RPS6KA2: variants seen among roughly 807,000 people sequenced by gnomAD.
RPS6KA2 encodes ribosomal protein S6 kinase alpha-2.
A neutral mutation model predicts 91.8 loss-of-function variants in RPS6KA2; 42 were observed. The observed-to-expected ratio is 0.46, with a 90% CI of 0.36 to 0.59. The LOEUF (loss-of-function observed/expected upper bound fraction) is 0.59. RPS6KA2 is among the 20% of genes least tolerant of loss of function. The pLI, the probability that RPS6KA2 is intolerant of heterozygous loss-of-function variation, is 0.00. For synonymous variants in RPS6KA2, 414 were observed against 393.6 expected (o/e 1.05, Z -0.61); for missense variants, 798 against 978.5 (o/e 0.82, Z 2.46).
In RPS6KA2 at chr6:166,413,882, G is replaced by A. The variant is rs768763548; in HGVS notation, c.1988C>T (p.Ala663Val). ...CCACGGGTGTTTGAGCACTTGCATC[G>A]CCGTCAGGCGCTGATGAGGGTCCAC... ...LHVDPHQRLT[A>V]MQVLKHPWVV... Residue 663 changes from alanine (A) to valine (V), a missense_variant, in exon 20 of 21, where the codon GCG (alanine) becomes GTG (valine). By Grantham distance (64) the Ala-to-Val change is moderately conservative. Coordinates refer to ENST00000265678, the MANE Select transcript of RPS6KA2 (RefSeq NM_021135.6). The A allele has an allele frequency of 1.5e-5, 25 of 1,613,930 alleles. No homozygotes were observed. The highest frequency in any genetic ancestry group is 1.8e-5 in the Non-Finnish European group (21 of 1,179,940).
intron 14 of RPS6KA2, among the ~76,000 whole-genome samples, chr6:166,443,717 G>C (rs1005662885): frequency 2.0e-4 from 31 of 152,144 alleles, no homozygotes; most frequent in Admixed American, 1.8e-3. Context: ...ATGGCGCCAC[G>C]TATGGTCTAT....
At chr6:166,480,479 T>TTATATATATATATAATATATATATATA (rs1781157887) in intron 10 of RPS6KA2, among the ~76,000 whole-genome samples, 20 of 99,858 alleles carry the variant, frequency 2.0e-4, no homozygotes, top group African/African-American at 9.5e-4. Context: ...GATTGTGATT[T>TTATATATATATATAATATATATATATA]TATATATATA....
intron 3 of RPS6KA2, among the ~76,000 whole-genome samples, chr6:166,517,455 G>GTTTTT (rs71032809): frequency 0.019 from 1,947 of 104,634 alleles, 27 homozygotes; most frequent in Non-Finnish European, 0.028. Context: ...CTTTTGTTTT[G>GTTTTT]TTTTTTTTTT....
rs2128481689 is a variant in RPS6KA2, at chr6:166,508,212, G to C, written c.450C>G (p.Leu150=). ...TGTGGCGGCTGCTCACCTCTTTGGA[G>C]AGCCGGGTGAAGAGGTCCCCTCCCC... is the stretch of plus-strand genomic sequence containing the variant. ...FLRGGDLFTR[L]SKEVMFTEED... The change falls in exon 5 of 21, where the codon CTC becomes CTG. Residue 150 remains leucine (L), a synonymous_variant. Coordinates refer to ENST00000265678, the MANE Select transcript of RPS6KA2 (RefSeq NM_021135.6). The surrounding 1 kb of genome is among the most constrained non-coding windows in gnomAD (Gnocchi z 4.3). 6.2e-7 allele frequency: 1 copy of C among 1,610,804 alleles called. No individual in the cohort carries two copies. Among genetic ancestry groups the C allele is most frequent in the South Asian group, 1.1e-5 (1 of 90,992 alleles).
At chr6:166,820,107 G>A (rs1779869845) in intron 2 of RPS6KA2, among the ~76,000 whole-genome samples, 1 of 152,130 alleles carries the variant, frequency 6.6e-6, no homozygotes, top group African/African-American at 2.4e-5. Context: ...CTTGCCATGG[G>A]CTATCTGTAT....
At chr6:166,486,563 G>A (rs1781417128) in intron 10 of RPS6KA2, among the ~76,000 whole-genome samples, 1 of 152,220 alleles carries the variant, frequency 6.6e-6, no homozygotes, top group East Asian at 1.9e-4. Flanking sequence ...TATAAAATGT[G>A]TGCAGTGACC....
intron 2 of RPS6KA2, among the ~76,000 whole-genome samples, chr6:166,799,633 C>T (rs956445413): frequency 6.6e-6 from 1 of 150,794 alleles, no homozygotes; most frequent in African/African-American, 2.4e-5. Context: ...TGTGAAATCA[C>T]TACGGTAATT....
At chr6:166,510,422 A>G (rs1301236525) in intron 3 of RPS6KA2, 65 bp from the exon 4 acceptor site, 13 of 1,022,664 alleles carry the variant, frequency 1.3e-5, no homozygotes, top group African/African-American at 1.6e-5. Context: ...AACACTGAAC[A>G]TGAAATACTA....
At chr6:166,549,856 G>A (rs964910419) in intron 1 of RPS6KA2, among the ~76,000 whole-genome samples, 1 of 152,146 alleles carries the variant, frequency 6.6e-6, no homozygotes, top group Non-Finnish European at 1.5e-5. Flanking sequence ...GAAATTCCTC[G>A]TTTTCATACT....
intron 14 of RPS6KA2, among the ~76,000 whole-genome samples, chr6:166,444,818 A>C (rs1779627583): frequency 6.6e-6 from 1 of 152,222 alleles, no homozygotes; most frequent in African/African-American, 2.4e-5. Context: ...AGACTGCGAT[A>C]GCTAGAATTG....
At chr6:166,685,979 G>A (rs1019073006) in intron 2 of RPS6KA2, among the ~76,000 whole-genome samples, 1 of 152,222 alleles carries the variant, frequency 6.6e-6, no homozygotes, top group Non-Finnish European at 1.5e-5. Flanking sequence ...CGAAGGGGCT[G>A]AGACGAAGGA....
intron 2 of RPS6KA2, among the ~76,000 whole-genome samples, chr6:166,826,021 CAAT>C (rs777118618): frequency 1.3e-5 from 2 of 152,202 alleles, no homozygotes; most frequent in Non-Finnish European, 2.9e-5. Context: ...GCAAGCACAA[CAAT>C]GAGTCATTAG....
intron 2 of RPS6KA2, among the ~76,000 whole-genome samples, chr6:166,677,394 C>T (rs528241504): frequency 1.6e-3 from 236 of 149,224 alleles, no homozygotes; most frequent in Non-Finnish European, 2.5e-3. Flanking sequence ...CAGGGTCTCA[C>T]TTTGTCACCC....
At chr6:166,527,265 C>T (rs1192107105) in intron 3 of RPS6KA2, among the ~76,000 whole-genome samples, 1 of 152,064 alleles carries the variant, frequency 6.6e-6, no homozygotes, top group Non-Finnish European at 1.5e-5. Flanking sequence ...GAGGGTGAGG[C>T]CAACTTTGAA....
chr6:166,524,795 G>A (rs1042097454), intron 3 of RPS6KA2, among the ~76,000 whole-genome samples: 2 of 152,194 alleles, frequency 1.3e-5, no homozygotes, highest in African/African-American at 4.8e-5. Flanking sequence ...CTTTCAGCAG[G>A]GGGACACTGA....
At position 166,533,244 on chromosome 6, in the gene RPS6KA2, C is replaced by T. The variant is rs1407822635; in HGVS notation, c.217-1931G>A. On this transcript the variant is annotated intron_variant, in intron 2 of 20. Transcript: ENST00000265678. The surrounding 1 kb of genome is among the most constrained non-coding windows in gnomAD (Gnocchi z 4.0). ...ATCTGATGCAACTCCTTTCATTTCT[C>T]CAGCCCGTCCGTGTGCCTAATGTCC... Among the ~76,000 whole-genome samples, 1 of 152,242 alleles carries T rather than the reference C, an allele frequency of 6.6e-6. No individual in the cohort carries two copies. Among genetic ancestry groups the T allele is most frequent in the Non-Finnish European group, 1.5e-5 (1 of 68,050 alleles).
chr6:166,414,381 A>G (rs190922860), intron 19 of RPS6KA2, among the ~76,000 whole-genome samples: 16 of 152,360 alleles, frequency 1.1e-4, no homozygotes, highest in African/African-American at 3.1e-4. Flanking sequence ...CGCAAAATCT[A>G]CAATCTGGAG....
intron 1 of RPS6KA2, among the ~76,000 whole-genome samples, chr6:166,609,688 C>T (rs1786096330): frequency 6.6e-6 from 1 of 151,934 alleles, no homozygotes; most frequent in Non-Finnish European, 1.5e-5. Flanking sequence ...TTAGTAGAGA[C>T]GGGGCTTCAC....
chr6:166,487,729 A>C (rs772619789), intron 10 of RPS6KA2, among the ~76,000 whole-genome samples: 1 of 152,244 alleles, frequency 6.6e-6, no homozygotes, highest in Non-Finnish European at 1.5e-5. Context: ...TTACAAGATG[A>C]ATCTCATGGG....
Sources: allele counts gnomAD v4.1 joint callset (sites outside exome capture counted in the v4.1 genomes callset), GRCh38; gene constraint gnomAD v4.1.1; non-coding constraint Gnocchi (gnomAD v3.1); transcripts MANE v1.5; gene names NCBI Gene and HGNC (gene_info 2026-07-23, HGNC 2026-07-21).